Variants in MPDZ observed in about 807,000 individuals in gnomAD.
MPDZ encodes multiple PDZ domain crumbs cell polarity complex component.
In MPDZ, 234 loss-of-function variants were observed where a neutral mutation model predicts 239.1. The ratio of observed to expected loss-of-function variants is 0.98; its 90% CI spans 0.88 to 1.09. The LOEUF is 1.09. Ranked by LOEUF, MPDZ falls within the 50% of genes least tolerant of loss-of-function variation. The probability of loss-of-function intolerance (pLI) is 0.00; values close to 1 mark genes in which losing one functional copy is unlikely to be tolerated. For missense variants in MPDZ, 3,175 were observed against 2,510.0 expected (o/e 1.26, Z -5.66); for synonymous variants, 1,048 against 881.3 (o/e 1.19, Z -3.35).
intron 1 of MPDZ, chr9:13,276,595 C>A (rs1455360328): frequency 6.6e-6 from 1 of 152,184 alleles, no homozygotes; most frequent in Non-Finnish European, 1.5e-5. Context: ...CCTAAATTCA[C>A]CAGGAAGTTG....
chr9:13,136,458 A>T (rs1174391833), intron 30 of MPDZ, among the ~76,000 whole-genome samples: 1 of 147,904 alleles, frequency 6.8e-6, no homozygotes, highest in Non-Finnish European at 1.5e-5. Context: ...CAGCCTCCCT[A>T]GTAGCTGGGA....
At chr9:13,145,918 T>A (rs900606658) in intron 26 of MPDZ, among the ~76,000 whole-genome samples, 1 of 151,862 alleles carries the variant, frequency 6.6e-6, no homozygotes, top group Admixed American at 6.6e-5. Context: ...TTGTAAATTA[T>A]AAATAAAACA....
In MPDZ at chr9:13,186,365, C is replaced by A; in HGVS notation, c.2386G>T (p.Val796Phe). Residue 796 changes from valine to phenylalanine, a missense_variant, in exon 18 of 47, where the codon GTT (valine) becomes TTT (phenylalanine). By Grantham distance (50) the Val-to-Phe change is conservative. Coordinates refer to ENST00000319217, the MANE Select transcript of MPDZ (RefSeq NM_001378778.1). ...AGAAAGGAATCCTCCTTAGCAGAAA[C>A]ATAACCTTCTTCTGGTGAAAGCTGC... ...PLPLSPEEGY[V>F]SAKEDSFLYP... 6.3e-7 allele frequency: 1 copy of A among 1,581,764 alleles called. No individual in the cohort carries two copies. The highest frequency in any genetic ancestry group is 8.6e-7 in the Non-Finnish European group (1 of 1,162,866).
At chr9:13,154,095 T>C (rs1045929114) in intron 24 of MPDZ, among the ~76,000 whole-genome samples, 4 of 152,246 alleles carry the variant, frequency 2.6e-5, no homozygotes, top group Admixed American at 6.5e-5. Flanking sequence ...CTTTGGATAA[T>C]AGCACCTTTG....
chr9:13,195,700 A>G (rs949589929), intron 13 of MPDZ, among the ~76,000 whole-genome samples: 14 of 152,202 alleles, frequency 9.2e-5, no homozygotes, highest in African/African-American at 3.4e-4. Flanking sequence ...GTAAATACAT[A>G]GGAGTGGAAA....
intron 1 of MPDZ, among the ~76,000 whole-genome samples, chr9:13,277,264 A>G (rs1974436929): frequency 6.6e-6 from 1 of 152,148 alleles, no homozygotes; most frequent in African/African-American, 2.4e-5. Context: ...GACAAAGAAA[A>G]CCAGAACTAG....
Position 13,168,547 on chromosome 9 carries a change from T to C in MPDZ, c.3073A>G (p.Asn1025Asp). The C allele has an allele frequency of 6.2e-7, 1 of 1,602,004 alleles. No individual in the cohort carries two copies. The highest frequency in any genetic ancestry group is 8.5e-7 in the Non-Finnish European group (1 of 1,175,990). ...ACGATCATCCCCAAGCCATCTTTAT[T>C]AGCACTAACTGTCATTCCTACAGGA... Reference protein sequence around the residue: ...NSSLGMTVSANKDGLGMIVRS... With the variant: ...NSSLGMTVSADKDGLGMIVRS... Residue 1025 changes from asparagine to aspartate, a missense_variant, in exon 22 of 47, where the codon AAT becomes GAT. Transcript: ENST00000319217.
At chr9:13,162,110 C>G (rs1001539300) in intron 23 of MPDZ, among the ~76,000 whole-genome samples, 1 of 151,870 alleles carries the variant, frequency 6.6e-6, no homozygotes, top group East Asian at 1.9e-4. Flanking sequence ...ACAAAAAATA[C>G]AGAATTAGCC....
intron 26 of MPDZ, among the ~76,000 whole-genome samples, chr9:13,145,243 CA>C (rs1366585465): frequency 6.6e-6 from 1 of 151,898 alleles, no homozygotes; most frequent in African/African-American, 2.4e-5. Flanking sequence ...TTTATAGTCC[CA>C]GGGGCTGAGA....
chr9:13,177,760 G>C (rs1383428526), intron 19 of MPDZ, among the ~76,000 whole-genome samples: 1 of 152,058 alleles, frequency 6.6e-6, no homozygotes, highest in Admixed American at 6.6e-5. Flanking sequence ...ATGCCTAATT[G>C]GGGAAATTAA....
At chr9:13,141,226 G>C (rs533865794) in intron 27 of MPDZ, among the ~76,000 whole-genome samples, 1 of 152,248 alleles carries the variant, frequency 6.6e-6, no homozygotes, top group South Asian at 2.1e-4. Context: ...CAATGTTAGA[G>C]TTTGAAAGGT....
At chr9:13,258,833 T>C (rs1456865447) in intron 1 of MPDZ, among the ~76,000 whole-genome samples, 1 of 152,206 alleles carries the variant, frequency 6.6e-6, no homozygotes, top group Admixed American at 6.5e-5. Context: ...TAATTCAATT[T>C]TGCCCACCAA....
intron 1 of MPDZ, among the ~76,000 whole-genome samples, chr9:13,265,536 T>G (rs949561557): frequency 6.6e-6 from 1 of 152,052 alleles, no homozygotes; most frequent in African/African-American, 2.4e-5. Context: ...ACCATTGCAC[T>G]CCAGCCCAGG....
chr9:13,192,430 C>T (rs549860576), intron 14 of MPDZ, 135 bp from the exon 15 acceptor site: 3 of 707,892 alleles, frequency 4.2e-6, no homozygotes, highest in Admixed American at 3.0e-5. Context: ...TATAGTGAGA[C>T]CTGTGGAAAT....
chr9:13,133,913 G>A lies in MPDZ; in HGVS notation c.4384-9C>T, dbSNP rs780221710. The A allele has an allele frequency of 6.7e-7, 1 of 1,484,562 alleles. No homozygotes were observed. Among genetic ancestry groups the A allele is most frequent in the Non-Finnish European group, 9.0e-7 (1 of 1,107,306 alleles). 92.0% of individuals were successfully genotyped at this position (1,484,562 alleles called of 1,614,324 possible). ...GTAACAGTTGGCTCTGTCTGACAGA[G>A]GGAAAGAAATGACAAAAAGAGCAAC... On this transcript the variant is annotated splice_polypyrimidine_tract_variant and intron_variant, in intron 31 of 46. Coordinates refer to ENST00000319217, the MANE Select transcript of MPDZ (RefSeq NM_001378778.1).
chr9:13,278,315 G>A (rs1322872311), intron 1 of MPDZ, among the ~76,000 whole-genome samples: 1 of 152,116 alleles, frequency 6.6e-6, no homozygotes, highest in Non-Finnish European at 1.5e-5. Flanking sequence ...GCCCATTGCC[G>A]GGGTCTTCCC....
chr9:13,119,790 G>A, intron 38 of MPDZ, 141 bp from the exon 39 acceptor site: 1 of 827,778 alleles, frequency 1.2e-6, no homozygotes. Context: ...CAACACTGGG[G>A]CAACATTAGA....
At chr9:13,130,008 C>T (rs1587033606) in intron 32 of MPDZ, among the ~76,000 whole-genome samples, 2 of 152,116 alleles carry the variant, frequency 1.3e-5, no homozygotes, top group East Asian at 3.9e-4. Context: ...AAGAAAAACT[C>T]TTCATCATAT....
rs1564005895 is a variant in MPDZ, at chr9:13,196,130, A to G, written c.1647T>C (p.Tyr549=). Residue 549 remains tyrosine (Y), a synonymous_variant, in exon 13 of 47, where the codon TAT becomes TAC. Coordinates refer to ENST00000319217, the MANE Select transcript of MPDZ (RefSeq NM_001378778.1). ...AGGTCAGCTAACCTACCACTATTTC[A>G]TAGTTAATTCCCATAATCCTTTGCC... ...TKWQRIMGIN[Y]EIVVAHVSKF... 1.3e-6 allele frequency: 2 copies of G among 1,594,940 alleles called. No individual in the cohort carries two copies. The highest frequency in any genetic ancestry group is 1.7e-6 in the Non-Finnish European group (2 of 1,168,606).
Sources: allele counts gnomAD v4.1 joint callset (sites outside exome capture counted in the v4.1 genomes callset), GRCh38; gene constraint gnomAD v4.1.1; transcripts MANE v1.5; gene names NCBI Gene and HGNC (gene_info 2026-07-23, HGNC 2026-07-21).